Variants in YWHAZ observed in about 807,000 individuals in gnomAD.
YWHAZ encodes the protein 14-3-3 protein zeta/delta.
For synonymous variants in YWHAZ, 87 were observed against 103.6 expected, an observed-to-expected ratio of 0.84 and a Z score of 0.97; for missense variants, 79 against 284.8, an observed-to-expected ratio of 0.28 and a Z score of 5.20.
chr8:100,919,377 C>T lies in YWHAZ; in HGVS notation c.*1316G>A, dbSNP rs1812870084. On this transcript the variant is annotated 3_prime_UTR_variant, in exon 6 of 6. Transcript: ENST00000395958. ...TGATGGGCCAAGAACATTGTGGCTT[C>T]CTAAGTTAGAAAATGCCATATGCCA... The T allele has an allele frequency of 6.6e-6, 1 of 152,548 alleles. No individual in the cohort carries two copies. The highest frequency in any genetic ancestry group is 1.5e-5 in the Non-Finnish European group (1 of 68,024). 9.4% of individuals were successfully genotyped at this position (152,548 alleles called of 1,614,324 possible). A position where few individuals can be genotyped will look rare whatever the true frequency, so the allele number is the denominator to read the frequency against.
intron 2 of YWHAZ, among the ~76,000 whole-genome samples, chr8:100,932,509 T>C (rs1295046954): frequency 2.6e-5 from 4 of 152,186 alleles, no homozygotes; most frequent in African/African-American, 9.7e-5. Flanking sequence ...ACTTTTACAG[T>C]CATAAAAAAG....
At chr8:100,952,388 G>A (rs1429918289), upstream of YWHAZ, 1 of 156,370 alleles carries the variant, frequency 6.4e-6, no homozygotes, top group Non-Finnish European at 1.4e-5. Flanking sequence ...GGTCCCCAAC[G>A]CCCTCTCTCT....
chr8:100,950,440 C>T, intron 1 of YWHAZ: 1 of 985,366 alleles, frequency 1.0e-6, no homozygotes, highest in Non-Finnish European at 1.2e-6. Context: ...GAAACGAAAA[C>T]GGGCAGACCC....
intron 2 of YWHAZ, among the ~76,000 whole-genome samples, chr8:100,933,087 G>A (rs560669463): frequency 2.0e-5 from 3 of 152,264 alleles, no homozygotes; most frequent in South Asian, 2.1e-4. Context: ...CTGGCTCGGC[G>A]CAGTGGCTCA....
At chr8:100,944,931 T>C (rs1344296994) in intron 2 of YWHAZ, among the ~76,000 whole-genome samples, 1 of 152,226 alleles carries the variant, frequency 6.6e-6, no homozygotes, top group Admixed American at 6.5e-5. Flanking sequence ...CACCTCGACA[T>C]ACTTCTTTGA....
rs1810449650 is a variant in YWHAZ at position 100,948,191 on chromosome 8, A to C, written c.294+405T>G. The C allele has an allele frequency of 6.8e-7, 1 of 1,462,026 alleles. No individual in the cohort carries two copies. The highest frequency in any genetic ancestry group is 1.4e-5 in the African/African-American group (1 of 70,846). 90.6% of individuals were successfully genotyped at this position (1,462,026 alleles called of 1,614,324 possible). ...TAATCCTGAGAAGAGTACTATTTCT[A>C]CAATGAGTATCCTATTACATCTCTC... On this transcript the variant is annotated intron_variant, in intron 2 of 5. Transcript: ENST00000395958. This position sits in a 1 kb window ranked among gnomAD's most constrained non-coding sequence, Gnocchi z 4.2.
chr8:100,947,266 A>ACC (rs1563690265), intron 2 of YWHAZ, among the ~76,000 whole-genome samples: 3 of 151,892 alleles, frequency 2.0e-5, no homozygotes, highest in South Asian at 2.1e-4. Flanking sequence ...AAAAAAAAAA[A>ACC]AACAAAAAAC....
At chr8:100,947,920 T>C (rs1728154982) in intron 2 of YWHAZ, among the ~76,000 whole-genome samples, 1 of 152,254 alleles carries the variant, frequency 6.6e-6, no homozygotes, top group South Asian at 2.1e-4. Context: ...CTACTTTATA[T>C]GACAGATTAA....
chr8:100,952,836 C>A, upstream of YWHAZ: 2 of 1,000,546 alleles, frequency 2.0e-6, no homozygotes, highest in Non-Finnish European at 2.4e-6. Context: ...TCCCTCCCGC[C>A]GCCGCGGCTT....
chr8:100,952,259 C>T (rs560435282), upstream of YWHAZ: 608 of 584,242 alleles, frequency 1.0e-3, 6 homozygotes, highest in African/African-American at 0.012. Flanking sequence ...AGCCGCCACT[C>T]CTCCCACCCC....
chr8:100,946,108 G>T (rs911759488), intron 2 of YWHAZ, among the ~76,000 whole-genome samples: 1 of 152,142 alleles, frequency 6.6e-6, no homozygotes, highest in African/African-American at 2.4e-5. Flanking sequence ...TGTGGGTAGG[G>T]ACCAGAGTGA....
chr8:100,932,300 C>G (rs1466161094), intron 2 of YWHAZ, among the ~76,000 whole-genome samples: 1 of 152,070 alleles, frequency 6.6e-6, no homozygotes, highest in Non-Finnish European at 1.5e-5. Flanking sequence ...CTTAACCCAC[C>G]CACTCACCCA....
At chr8:100,943,334 C>G (rs886818028) in intron 2 of YWHAZ, among the ~76,000 whole-genome samples, 11 of 152,240 alleles carry the variant, frequency 7.2e-5, no homozygotes, top group Admixed American at 5.9e-4. Flanking sequence ...TTCTAAGAAA[C>G]TTATTAGAAT....
At chr8:100,951,210 G>A (rs935117854) in intron 1 of YWHAZ, 45 of 984,772 alleles carry the variant, frequency 4.6e-5, no homozygotes, top group Non-Finnish European at 5.3e-5. Flanking sequence ...CCCTCCCGCC[G>A]GCGCGCAGCC....
intron 1 of YWHAZ, chr8:100,950,464 C>A: frequency 1.0e-6 from 1 of 985,256 alleles, no homozygotes; most frequent in Non-Finnish European, 1.2e-6. Flanking sequence ...CTTTAAAGTG[C>A]AAATTCTCCG....
chr8:100,928,481 C>T (rs1356153196), intron 2 of YWHAZ, among the ~76,000 whole-genome samples: 2 of 152,130 alleles, frequency 1.3e-5, no homozygotes, highest in African/African-American at 4.8e-5. Context: ...CCTATAATCC[C>T]AGCACTTTGG....
upstream of YWHAZ, chr8:100,952,775 C>G (rs886533931): frequency 3.6e-5 from 36 of 998,666 alleles, no homozygotes; most frequent in African/African-American, 5.8e-4. Flanking sequence ...GCCCCGCCCG[C>G]CGCTCCCCTT....
intron 2 of YWHAZ, among the ~76,000 whole-genome samples, chr8:100,945,786 C>A (rs1371746220): frequency 2.0e-5 from 3 of 151,996 alleles, no homozygotes; most frequent in Non-Finnish European, 4.4e-5. Flanking sequence ...CGGTAAATAT[C>A]AAATTTTCCC....
intron 2 of YWHAZ, among the ~76,000 whole-genome samples, chr8:100,945,130 AT>A (rs1387455551): frequency 6.6e-6 from 1 of 152,194 alleles, no homozygotes; most frequent in Non-Finnish European, 1.5e-5. Context: ...TAGTTCACAT[AT>A]TGCAGTTTGA....
Sources: gnomAD v4.1 joint callset for allele counts (sites outside exome capture counted in the v4.1 genomes callset) on GRCh38, gnomAD v4.1.1 for gene constraint, Gnocchi (gnomAD v3.1) non-coding constraint, MANE v1.5 for transcripts, NCBI Gene and HGNC (gene_info 2026-07-23, HGNC 2026-07-21) for gene names.